Variants in CCDC68 observed in about 807,000 individuals in gnomAD.
CCDC68 encodes the protein coiled-coil domain-containing protein 68.
Under a neutral mutation model 47.1 loss-of-function variants are expected in CCDC68, and 45 were observed. The observed-to-expected ratio is 0.96, with a 90% CI of 0.75 to 1.23. The LOEUF (loss-of-function observed/expected upper bound fraction) is 1.23, where lower values mean the gene tolerates loss of function less well. Among genes scored for constraint, CCDC68 ranks in the 50% most tolerant of loss-of-function variants. The pLI is 0.00. For synonymous variants in CCDC68, 131 were observed against 129.5 expected, an observed-to-expected ratio of 1.01 and a Z score of -0.08; for missense variants, 353 against 373.6, an observed-to-expected ratio of 0.94 and a Z score of 0.45.
intron 1 of CCDC68, among the ~76,000 whole-genome samples, chr18:54,948,728 T>G (rs1185320559): frequency 1.3e-5 from 2 of 151,790 alleles, no homozygotes; most frequent in African/African-American, 2.4e-5. Context: ...AGACAGACAT[T>G]AAACAAACGA....
rs1406299725 is a variant in CCDC68 at position 54,959,402 on chromosome 18, G to A, written c.-169C>T. On this transcript the variant is annotated 5_prime_UTR_variant, in exon 1 of 12. Transcript: ENST00000591504. ...CTCCCCTGGGCGATCGGACCTTGGGGCCAGGGTCGGCTGCCAGGGCCCTGC... is the reference window on the plus strand; with the variant it reads ...CTCCCCTGGGCGATCGGACCTTGGGACCAGGGTCGGCTGCCAGGGCCCTGC... 6.6e-6 allele frequency: 1 copy of A among 152,124 alleles called. No individual in the cohort carries two copies. The highest frequency in any genetic ancestry group is 6.5e-5 in the Admixed American group (1 of 15,286). The allele number at this position is 152,124 out of a possible 1,614,324, so 9.4% of individuals were successfully genotyped here.
At chr18:54,920,722 G>A (rs956411970) in intron 8 of CCDC68, among the ~76,000 whole-genome samples, 4 of 152,158 alleles carry the variant, frequency 2.6e-5, no homozygotes, top group African/African-American at 7.2e-5. Context: ...GCAGAGAAAA[G>A]GGAATGCTTA....
chr18:54,937,999 C>T lies in CCDC68; in HGVS notation c.303G>A (p.Gln101=). 3 of 1,613,324 alleles carry T rather than the reference C, an allele frequency of 1.9e-6. No homozygotes were observed. Among genetic ancestry groups the T allele is most frequent in the East Asian group, 2.2e-5 (1 of 44,816 alleles). ...CATTCTCTTTGTTCATTTCTAAGAG[C>T]TGTAGGTCTTTTCCTTTTATCTTTT... ...LMKKIKGKDL[Q]LLEMNKENEV... Residue 101 remains glutamine, a synonymous_variant, in exon 5 of 12, where the codon CAG becomes CAA. Coordinates refer to ENST00000591504, the MANE Select transcript of CCDC68 (RefSeq NM_025214.3).
At chr18:54,926,086 A>C (rs1190683600) in intron 8 of CCDC68, among the ~76,000 whole-genome samples, 1 of 152,188 alleles carries the variant, frequency 6.6e-6, no homozygotes, top group Non-Finnish European at 1.5e-5. Flanking sequence ...CCTCAGCTTC[A>C]AGGTCTTTCC....
intron 6 of CCDC68, among the ~76,000 whole-genome samples, chr18:54,935,729 G>A (rs2044333006): frequency 6.6e-6 from 1 of 152,198 alleles, no homozygotes; most frequent in Non-Finnish European, 1.5e-5. Context: ...ACAGCCTGAT[G>A]CATGAAAGGG....
intron 8 of CCDC68, among the ~76,000 whole-genome samples, chr18:54,925,151 T>A (rs2044124650): frequency 6.6e-6 from 1 of 152,186 alleles, no homozygotes; most frequent in Admixed American, 6.5e-5. Context: ...CTGTTTGGGT[T>A]GGCTGCTGGA....
At position 54,938,060 on chromosome 18, in the gene CCDC68, A is replaced by G; in HGVS notation, c.242T>C (p.Met81Thr). Reference protein sequence around the residue: ...GNLQQGSDSEMDPSCCSLDLL... With the variant: ...GNLQQGSDSETDPSCCSLDLL... ...ATCCAAACTGCAACAAGAAGGATCC[A>G]TTTCAGAATCAGAGCCCTGTTGAAG... The change falls in exon 5 of 12, where the codon ATG (methionine) becomes ACG (threonine). Residue 81 changes from methionine (M) to threonine (T), a missense_variant. Coordinates refer to ENST00000591504, the MANE Select transcript of CCDC68 (RefSeq NM_025214.3). The G allele has an allele frequency of 6.2e-7, 1 of 1,613,876 alleles. No individual in the cohort carries two copies. Among genetic ancestry groups the G allele is most frequent in the Non-Finnish European group, 8.5e-7 (1 of 1,179,848 alleles).
At chr18:54,952,276 A>G (rs1043578361) in intron 1 of CCDC68, among the ~76,000 whole-genome samples, 1 of 152,228 alleles carries the variant, frequency 6.6e-6, no homozygotes, top group African/African-American at 2.4e-5. Context: ...CACTTGCAAC[A>G]TTTACATGAT....
chr18:54,952,127 C>G (rs1461865864), intron 1 of CCDC68, among the ~76,000 whole-genome samples: 4 of 152,220 alleles, frequency 2.6e-5, no homozygotes, highest in Non-Finnish European at 5.9e-5. Context: ...TTTCCCCTCA[C>G]TATTCTTTCC....
intron 10 of CCDC68, among the ~76,000 whole-genome samples, chr18:54,911,689 T>C (rs538770229): frequency 6.6e-6 from 1 of 152,306 alleles, no homozygotes; most frequent in South Asian, 2.1e-4. Flanking sequence ...ACTTTACACT[T>C]GACAAAGCAA....
At chr18:54,958,162 C>A (rs2044745714) in intron 1 of CCDC68, 1 of 152,158 alleles carries the variant, frequency 6.6e-6, no homozygotes. Flanking sequence ...GGCCTGGGTC[C>A]CAAGAAGTGT....
intron 11 of CCDC68, among the ~76,000 whole-genome samples, chr18:54,905,991 C>T (rs933219546): frequency 1.1e-4 from 16 of 152,288 alleles, no homozygotes; most frequent in African/African-American, 3.9e-4. Context: ...TGTCTCACCC[C>T]CAGATGGGAC....
chr18:54,939,910 T>C (rs2044408237), intron 4 of CCDC68, among the ~76,000 whole-genome samples: 1 of 151,978 alleles, frequency 6.6e-6, no homozygotes, highest in Admixed American at 6.6e-5. Context: ...TCAACTGTGG[T>C]CTACGGTCCC....
At chr18:54,912,223 G>A (rs112710768) in intron 10 of CCDC68, among the ~76,000 whole-genome samples, 2,240 of 152,248 alleles carry the variant, frequency 0.015, 52 homozygotes, top group African/African-American at 0.051. Flanking sequence ...GGTCCTTAGC[G>A]AAGAAACTAG....
Position 54,919,345 on chromosome 18 carries a change from G to A in CCDC68, c.715C>T (p.Leu239Phe), listed in dbSNP as rs144206846. 4.8e-4 allele frequency: 770 copies of A among 1,613,846 alleles called. No homozygotes were observed. The highest frequency in any genetic ancestry group is 6.0e-4 in the Non-Finnish European group (712 of 1,179,890). ...TGCAGATGAGAGATCTGCTCCTGGA[G>A]AATGGAAATCTCCCTCTGAAGATCC... Reference protein sequence around the residue: ...CQDLQREISILQEQISHLQFV... With the variant: ...CQDLQREISIFQEQISHLQFV... Residue 239 changes from leucine to phenylalanine, a missense_variant, in exon 9 of 12, where the codon CTC becomes TTC. Physicochemically the swap from Leu to Phe is conservative, Grantham distance 22. Coordinates refer to ENST00000591504, the MANE Select transcript of CCDC68 (RefSeq NM_025214.3).
chr18:54,923,189 C>T (rs189254818), intron 8 of CCDC68, among the ~76,000 whole-genome samples: 23 of 152,200 alleles, frequency 1.5e-4, no homozygotes, highest in East Asian at 5.8e-4. Flanking sequence ...GAGCTTAAGA[C>T]GCCTCGCAGA....
intron 1 of CCDC68, among the ~76,000 whole-genome samples, chr18:54,953,563 GATAC>G (rs1470261392): frequency 2.0e-5 from 3 of 150,262 alleles, no homozygotes; most frequent in African/African-American, 4.9e-5. Context: ...GAGAGAGAGA[GATAC>G]ATAGATAGAG....
intron 8 of CCDC68, among the ~76,000 whole-genome samples, chr18:54,922,995 A>T (rs1361580001): frequency 5.4e-5 from 8 of 149,220 alleles, no homozygotes; most frequent in African/African-American, 2.0e-4. Flanking sequence ...CTCAAAAAAA[A>T]AAAAAAAAAA....
chr18:54,949,051 T>C (rs568482071), intron 1 of CCDC68, among the ~76,000 whole-genome samples: 1 of 152,350 alleles, frequency 6.6e-6, no homozygotes, highest in East Asian at 1.9e-4. Flanking sequence ...TTGAGTTAAG[T>C]GGCGTGATCT....
Sources: gnomAD v4.1 joint callset for allele counts (sites outside exome capture counted in the v4.1 genomes callset) on GRCh38, gnomAD v4.1.1 for gene constraint, MANE v1.5 for transcripts, NCBI Gene and HGNC (gene_info 2026-07-23, HGNC 2026-07-21) for gene names.